DACH2: variants seen among roughly 807,000 people sequenced by gnomAD.
DACH2 encodes dachshund homolog 2.
DACH2 carries 17 observed loss-of-function variants against 35.8 expected under a neutral mutation model. The observed-to-expected ratio is 0.48, with a 90% CI of 0.33 to 0.71. DACH2 has a LOEUF of 0.71. DACH2 is among the 30% of genes least tolerant of loss of function. The pLI is 0.02. For synonymous variants in DACH2, 195 were observed against 177.3 expected (o/e 1.10, Z -0.79); for missense variants, 469 against 472.7 (o/e 0.99, Z 0.07).
At chrX:86,831,604 CG>C (rs1357280267) in intron 11 of DACH2, 1 of 110,580 alleles carries the variant, frequency 9.0e-6, no homozygotes, top group African/African-American at 3.3e-5. Context: ...AGAGGGATAC[CG>C]GTTTGACTAA....
At chrX:86,799,147 C>A in intron 7 of DACH2, 1 of 315,367 alleles carries the variant, frequency 3.2e-6, no homozygotes. Flanking sequence ...TCCTCCAAGA[C>A]CCTGGAACTC....
intron 1 of DACH2, among the ~76,000 whole-genome samples, chrX:86,285,013 G>T: frequency 9.0e-6 from 1 of 110,715 alleles, no homozygotes; most frequent in African/African-American, 3.3e-5. Flanking sequence ...TTACTTATAT[G>T]TATTTATTTG....
intron 3 of DACH2, among the ~76,000 whole-genome samples, chrX:86,528,442 G>A (rs56896213): frequency 7.2e-4 from 80 of 111,550 alleles, no homozygotes; most frequent in African/African-American, 2.2e-3. Flanking sequence ...TGGACTTAGG[G>A]TACTCTGGCC....
chrX:86,183,320 A>G (rs1038287371), intron 1 of DACH2, among the ~76,000 whole-genome samples: 4 of 111,920 alleles, frequency 3.6e-5, no homozygotes, highest in Non-Finnish European at 7.5e-5. Context: ...GGTTTGTCAT[A>G]AATAGCTCTT....
At chrX:86,608,512 T>C (rs2039889874) in intron 3 of DACH2, among the ~76,000 whole-genome samples, 1 of 112,291 alleles carries the variant, frequency 8.9e-6, no homozygotes, top group Admixed American at 9.4e-5. Flanking sequence ...TCTGTGTTTT[T>C]CTGTGTACTT....
At chrX:86,578,921 A>G (rs746530156) in intron 3 of DACH2, among the ~76,000 whole-genome samples, 1 of 111,391 alleles carries the variant, frequency 9.0e-6, no homozygotes, top group Non-Finnish European at 1.9e-5. Flanking sequence ...TTAAATCAAT[A>G]TATATATTTC....
chrX:86,591,555 T>TTTTTTTG (rs2039646078), intron 3 of DACH2, among the ~76,000 whole-genome samples: 2 of 108,217 alleles, frequency 1.8e-5, no homozygotes, highest in African/African-American at 3.4e-5. Context: ...TTTTTTTTTT[T>TTTTTTTG]GAGAAGGAGT....
chrX:86,294,500 CT>C (rs1240662334), intron 1 of DACH2, among the ~76,000 whole-genome samples: 14 of 110,963 alleles, frequency 1.3e-4, no homozygotes, highest in Admixed American at 1.1e-3. Flanking sequence ...GAGAGTCGCT[CT>C]GCTTTTTAGA....
At chrX:86,610,427 T>C (rs1242102178) in intron 3 of DACH2, among the ~76,000 whole-genome samples, 7 of 88,471 alleles carry the variant, frequency 7.9e-5, no homozygotes, top group Admixed American at 3.9e-4. Context: ...CTTTTCTTTC[T>C]TTCTTTCTTT....
chrX:86,372,819 T>A (rs1180999951), intron 1 of DACH2, among the ~76,000 whole-genome samples: 1 of 111,033 alleles, frequency 9.0e-6, no homozygotes, highest in Non-Finnish European at 1.9e-5. Context: ...CCCTTGCTCC[T>A]CTTTCCTCTC....
chrX:86,610,413 C>CT (rs1185675362), intron 3 of DACH2, among the ~76,000 whole-genome samples: 21 of 68,187 alleles, frequency 3.1e-4, no homozygotes, highest in African/African-American at 1.0e-3. Flanking sequence ...TTCTTTCTTT[C>CT]TTTCTTTTCT....
intron 2 of DACH2, among the ~76,000 whole-genome samples, chrX:86,446,304 TTTA>T (rs2037275336): frequency 1.0e-5 from 1 of 99,149 alleles, no homozygotes; most frequent in East Asian, 3.3e-4. Flanking sequence ...TTTTTTTTTT[TTTA>T]TTATACTCTA....
At chrX:86,288,361 C>T (rs2147993497) in intron 1 of DACH2, among the ~76,000 whole-genome samples, 1 of 112,079 alleles carries the variant, frequency 8.9e-6, no homozygotes, top group African/African-American at 3.2e-5. Flanking sequence ...CTGAGTCTCA[C>T]CCAAGGCCTG....
chrX:86,417,029 G>T (rs1364041111), intron 2 of DACH2, among the ~76,000 whole-genome samples: 2 of 96,911 alleles, frequency 2.1e-5, no homozygotes, highest in Non-Finnish European at 4.0e-5. Flanking sequence ...GGGAGGTGGA[G>T]GTTGCAGTGA....
intron 3 of DACH2, among the ~76,000 whole-genome samples, chrX:86,541,327 T>C (rs771799400): frequency 9.0e-6 from 1 of 111,638 alleles, no homozygotes; most frequent in East Asian, 2.8e-4. Context: ...AATTCCAATT[T>C]ATAGGCTCAT....
chrX:86,434,800 G>T lies in DACH2; in HGVS notation c.527+57938G>T, dbSNP rs189529656. Among the ~76,000 whole-genome samples, 6 of 111,791 alleles carry T rather than the reference G, an allele frequency of 5.4e-5. No homozygotes were observed. The East Asian group carries it at 1.1e-3, about 21-fold the overall frequency. On this transcript the variant is annotated intron_variant, in intron 2 of 11. Coordinates refer to ENST00000373125, the MANE Select transcript of DACH2 (RefSeq NM_053281.3). ...AGTTTCATTGGCTCACGGTTGTGCAGGCTGTACAGGAATCATGGTGCTGAC... is the reference window on the plus strand; with the variant it reads ...AGTTTCATTGGCTCACGGTTGTGCATGCTGTACAGGAATCATGGTGCTGAC...
At chrX:86,519,325 G>A (rs1279601905) in intron 3 of DACH2, among the ~76,000 whole-genome samples, 1 of 111,646 alleles carries the variant, frequency 9.0e-6, no homozygotes, top group Non-Finnish European at 1.9e-5. Context: ...TTTTTTCATC[G>A]ATGTTCATGA....
At chrX:86,421,144 A>C (rs1212181531) in intron 2 of DACH2, among the ~76,000 whole-genome samples, 1 of 111,889 alleles carries the variant, frequency 8.9e-6, no homozygotes, top group Non-Finnish European at 1.9e-5. Context: ...AGTAAATTAT[A>C]AATTATAAAT....
chrX:86,384,863 T>A (rs1415937256), intron 2 of DACH2, among the ~76,000 whole-genome samples: 4 of 111,738 alleles, frequency 3.6e-5, no homozygotes, highest in Admixed American at 9.5e-5. Flanking sequence ...CAAAAGCTGT[T>A]AAAACATATA....
Sources: allele counts gnomAD v4.1 joint callset (sites outside exome capture counted in the v4.1 genomes callset), GRCh38; gene constraint gnomAD v4.1.1; transcripts MANE v1.5; gene names NCBI Gene and HGNC (gene_info 2026-07-23, HGNC 2026-07-21).